Variants in SP100 observed in about 807,000 individuals in gnomAD.
The protein encoded by SP100 is nuclear autoantigen Sp-100.
SP100 carries 84 observed loss-of-function variants against 130.0 expected under a neutral mutation model. That is an observed-to-expected ratio of 0.65 (90% confidence interval 0.54 to 0.77). The LOEUF is 0.77. Ranked by LOEUF, SP100 falls within the 30% of genes least tolerant of loss-of-function variation. The pLI is 0.00. For synonymous variants in SP100, 331 were observed against 351.7 expected, an observed-to-expected ratio of 0.94 and a Z score of 0.66; for missense variants, 978 against 1,052.2, an observed-to-expected ratio of 0.93 and a Z score of 0.97.
intron 22 of SP100, chr2:230,507,355 C>T (rs1359948724): frequency 1.3e-5 from 2 of 152,394 alleles, no homozygotes; most frequent in Non-Finnish European, 2.9e-5. Context: ...CACTGCACTC[C>T]AGCCTGAGCA....
intron 2 of SP100, among the ~76,000 whole-genome samples, chr2:230,440,200 T>G (rs2063426373): frequency 6.6e-6 from 1 of 152,066 alleles, no homozygotes. Flanking sequence ...AATAATTGTT[T>G]GGAAAGAAAC....
intron 24 of SP100, among the ~76,000 whole-genome samples, chr2:230,529,653 A>T (rs985215502): frequency 5.9e-5 from 9 of 152,256 alleles, no homozygotes; most frequent in Non-Finnish European, 1.2e-4. Flanking sequence ...CTGTTTGCAG[A>T]TGGCATGATT....
chr2:230,494,407 T>C lies in SP100; in HGVS notation c.1601-9T>C, dbSNP rs765365229. Reference sequence around the variant, plus strand: ...CTAAAGGATTATTTTCTTTCTTTTCTGTTTGCAGGAAAAAAGAGAAGGCAT... The same window carrying C: ...CTAAAGGATTATTTTCTTTCTTTTCCGTTTGCAGGAAAAAAGAGAAGGCAT... On this transcript the variant is annotated splice_polypyrimidine_tract_variant and intron_variant, in intron 17 of 28. Transcript: ENST00000340126. 1 of 1,577,336 alleles carries C rather than the reference T, an allele frequency of 6.3e-7. No individual in the cohort carries two copies. Among genetic ancestry groups the C allele is most frequent in the Non-Finnish European group, 8.7e-7 (1 of 1,146,830 alleles).
intron 8 of SP100, among the ~76,000 whole-genome samples, chr2:230,455,750 T>G (rs2064243296): frequency 6.6e-6 from 1 of 152,232 alleles, no homozygotes; most frequent in Non-Finnish European, 1.5e-5. Flanking sequence ...TCTCTAGTGA[T>G]ACACTTTGAT....
In SP100 at chr2:230,474,447, A is replaced by G; in HGVS notation, c.1600A>G (p.Arg534Gly). The G allele has an allele frequency of 7.2e-7, 1 of 1,386,562 alleles. No homozygotes were observed. The highest frequency in any genetic ancestry group is 2.3e-5 in the East Asian group (1 of 43,168). The allele number at this position is 1,386,562 out of a possible 1,614,324, so 85.9% of individuals were successfully genotyped here. Residue 534 changes from arginine (R) to glycine (G), a missense_variant and splice_region_variant, in exon 17 of 29, where the codon AGA (arginine) becomes GGA (glycine). By Grantham distance (125) the Arg-to-Gly change is moderately radical. Transcript: ENST00000340126. ...TTTGGAAAAACACAGTGGGAAAAGA[A>G]GTAAGAACAAATAAGAATTTACTTA... is the stretch of plus-strand genomic sequence containing the variant. ...STLEKHSGKRRKKRRHRSKVN... is the reference protein window; with the variant it reads ...STLEKHSGKRGKKRRHRSKVN...
intron 17 of SP100, among the ~76,000 whole-genome samples, chr2:230,493,263 G>T (rs1216645432): frequency 6.6e-6 from 1 of 151,924 alleles, no homozygotes; most frequent in Non-Finnish European, 1.5e-5. Context: ...TGTCACCCAG[G>T]CTGGAGTGCA....
At chr2:230,484,932 G>A (rs1461037997) in intron 17 of SP100, among the ~76,000 whole-genome samples, 2 of 151,592 alleles carry the variant, frequency 1.3e-5, no homozygotes, top group African/African-American at 4.8e-5. Flanking sequence ...TATTGGTTTG[G>A]TTTGGTTGTT....
At chr2:230,477,308 A>G (rs1443222625) in intron 17 of SP100, among the ~76,000 whole-genome samples, 1 of 152,234 alleles carries the variant, frequency 6.6e-6, no homozygotes, top group South Asian at 2.1e-4. Flanking sequence ...TGTTAAGGGA[A>G]TCTTTTGTCC....
intron 24 of SP100, among the ~76,000 whole-genome samples, chr2:230,513,609 G>T (rs575748195): frequency 6.6e-6 from 1 of 152,264 alleles, no homozygotes; most frequent in African/African-American, 2.4e-5. Context: ...TCAATGGGAA[G>T]GCTTATTCCA....
chr2:230,498,570 G>A (rs774761204), intron 19 of SP100, 35 bp downstream of exon 19: 16 of 1,170,718 alleles, frequency 1.4e-5, no homozygotes, highest in African/African-American at 3.3e-5. Context: ...AATAAATAAC[G>A]TCTAAATTCT....
chr2:230,483,195 G>C (rs1315625543), intron 17 of SP100, among the ~76,000 whole-genome samples: 1 of 152,170 alleles, frequency 6.6e-6, no homozygotes, highest in African/African-American at 2.4e-5. Flanking sequence ...TAGTGACAAT[G>C]TCATAAAGAA....
At chr2:230,424,590 A>C (rs1172730820) in intron 2 of SP100, among the ~76,000 whole-genome samples, 1 of 151,886 alleles carries the variant, frequency 6.6e-6, no homozygotes, top group African/African-American at 2.4e-5. Context: ...AATTGCTTGA[A>C]AACAGGAGAT....
chr2:230,444,788 C>T (rs1456500177), intron 4 of SP100, among the ~76,000 whole-genome samples: 3 of 152,182 alleles, frequency 2.0e-5, no homozygotes, highest in African/African-American at 7.2e-5. Flanking sequence ...CTTGTAACAA[C>T]TCCACAGTCA....
Position 230,473,194 on chromosome 2 carries a change from AAG to A in SP100, c.1430-126_1430-125del. 3 of 594,116 alleles carry A rather than the reference AAG, an allele frequency of 5.0e-6. No homozygotes were observed. In the East Asian group the frequency reaches 8.3e-5, roughly 16 times the overall value. 36.8% of individuals were successfully genotyped at this position (594,116 alleles called of 1,614,324 possible). On this transcript the variant is annotated intron_variant, in intron 15 of 28. Coordinates refer to ENST00000340126, the MANE Select transcript of SP100 (RefSeq NM_001080391.2). ...ATACAGTGAGGAACCACAAAAGAAA[AAG>A]AGATTTCAGATGTAGAGCCCATCCC...
In SP100 at chr2:230,541,933, A is replaced by G; in HGVS notation, c.2445A>G (p.Leu815=). Residue 815 remains leucine, a synonymous_variant, in exon 28 of 29, where the codon TTA becomes TTG. Transcript: ENST00000340126. Reference sequence around the variant, plus strand: ...AGGGCCCACAGAAGCCCATGTGGTTAAACAAAGTCAAGACAAGTTTGAATG... The same window carrying G: ...AGGGCCCACAGAAGCCCATGTGGTTGAACAAAGTCAAGACAAGTTTGAATG... ...GSQGPQKPMW[L]NKVKTSLNEQ... The G allele has an allele frequency of 6.2e-7, 1 of 1,614,146 alleles. No homozygotes were observed. The highest frequency in any genetic ancestry group is 8.5e-7 in the Non-Finnish European group (1 of 1,179,970).
chr2:230,532,658 A>G (rs539182792), intron 24 of SP100, among the ~76,000 whole-genome samples: 45 of 152,350 alleles, frequency 3.0e-4, no homozygotes, highest in Admixed American at 2.6e-3. Context: ...TGAAGAGTCT[A>G]GTGGTGAAAG....
intron 17 of SP100, among the ~76,000 whole-genome samples, chr2:230,482,791 C>G (rs778499492): frequency 6.6e-6 from 1 of 152,078 alleles, no homozygotes; most frequent in Non-Finnish European, 1.5e-5. Flanking sequence ...CTAGTAAATA[C>G]TAAAATTTTA....
Position 230,504,067 on chromosome 2 carries a change from A to G in SP100, c.1766-119A>G. 6 of 594,046 alleles carry G rather than the reference A, an allele frequency of 1.0e-5. No homozygotes were observed. In the South Asian group the frequency reaches 1.4e-4, roughly 14 times the overall value. The allele number at this position is 594,046 out of a possible 1,614,324, so 36.8% of individuals were successfully genotyped here. The stretch of plus-strand genomic sequence containing the variant: ...AAGGACTTTGAAATGTAACTGATTC[A>G]TGGGGGAAATACCTCCAATACATTT... On this transcript the variant is annotated intron_variant, in intron 20 of 28. Coordinates refer to ENST00000340126, the MANE Select transcript of SP100 (RefSeq NM_001080391.2).
chr2:230,428,609 T>A (rs56377716), intron 2 of SP100, among the ~76,000 whole-genome samples: 78,709 of 151,914 alleles, frequency 0.52, 21,110 homozygotes, highest in African/African-American at 0.62. Flanking sequence ...CACCCAGCTA[T>A]TTTTTTGTAT....
Sources: gnomAD v4.1 joint callset for allele counts (sites outside exome capture counted in the v4.1 genomes callset) on GRCh38, gnomAD v4.1.1 for gene constraint, MANE v1.5 for transcripts, NCBI Gene and HGNC (gene_info 2026-07-23, HGNC 2026-07-21) for gene names.